The following FGF18 variants were observed in gnomAD, a reference collection of about 807,000 sequenced individuals.
FGF18 encodes fibroblast growth factor 18.
In FGF18, 5 loss-of-function variants were observed where a neutral mutation model predicts 23.0. The observed-to-expected ratio is 0.22, with a 90% CI of 0.11 to 0.46. The LOEUF (loss-of-function observed/expected upper bound fraction) is 0.46. Ranked by LOEUF, FGF18 falls within the 20% of genes least tolerant of loss-of-function variation. The pLI is 0.99. For synonymous variants in FGF18, 117 were observed against 118.9 expected (o/e 0.98, Z 0.10); for missense variants, 180 against 291.6 (o/e 0.62, Z 2.79).
intron 2 of FGF18, among the ~76,000 whole-genome samples, chr5:171,430,320 T>G (rs1270421469): frequency 2.1e-5 from 3 of 145,858 alleles, no homozygotes; most frequent in Non-Finnish European, 3.0e-5. Context: ...ATCACGCCAT[T>G]GCACTCCAGC....
At chr5:171,420,515 C>G in intron 2 of FGF18, 72 bp downstream of exon 2, 2 of 1,433,776 alleles carry the variant, frequency 1.4e-6, no homozygotes, top group Non-Finnish European at 2.0e-6. Flanking sequence ...CTTCCCCGGC[C>G]GCGCCCCCTC....
rs141708643 is a variant in FGF18, at chr5:171,451,819, T to C, written c.357+2566T>C. ...TCCATGCTGTGCCCTCTGCCGGGAC[T>C]GCCCTTCCCTCTGTCCACTTGCCCT... is the stretch of plus-strand genomic sequence containing the variant. On this transcript the variant is annotated intron_variant, in intron 4 of 4. Coordinates refer to ENST00000274625, the MANE Select transcript of FGF18 (RefSeq NM_003862.3). The surrounding 1 kb of genome is among the most constrained non-coding windows in gnomAD (Gnocchi z 4.5). 6.6e-6 allele frequency among the ~76,000 whole-genome samples: 1 copy of C among 152,326 alleles called. No homozygotes were observed. The highest frequency in any genetic ancestry group is 1.9e-4 in the East Asian group (1 of 5,178).
chr5:171,449,954 A>G (rs1772474110), intron 4 of FGF18, among the ~76,000 whole-genome samples: 1 of 152,050 alleles, frequency 6.6e-6, no homozygotes, highest in Non-Finnish European at 1.5e-5. Flanking sequence ...TGCAAAAGTC[A>G]TGAACTGGCT....
intron 3 of FGF18, among the ~76,000 whole-genome samples, chr5:171,448,816 A>G (rs1181210556): frequency 1.3e-5 from 2 of 152,018 alleles, no homozygotes; most frequent in African/African-American, 4.8e-5. Context: ...CGATGGGTAG[A>G]AGGGCACACT....
At chr5:171,439,964 G>C (rs936937377) in intron 3 of FGF18, among the ~76,000 whole-genome samples, 1 of 152,172 alleles carries the variant, frequency 6.6e-6, no homozygotes. Context: ...GAATAACCCT[G>C]GGCAGGCCAG....
chr5:171,423,403 T>C (rs938848625), intron 2 of FGF18, among the ~76,000 whole-genome samples: 3 of 152,218 alleles, frequency 2.0e-5, no homozygotes, highest in African/African-American at 4.8e-5. Flanking sequence ...GCTGGGCCTT[T>C]CACGCAGCTC....
intron 3 of FGF18, among the ~76,000 whole-genome samples, chr5:171,438,085 CTTCTTT>C (rs912565542): frequency 6.7e-6 from 1 of 150,034 alleles, no homozygotes; most frequent in Admixed American, 6.6e-5. Context: ...CGCAGTGCTT[CTTCTTT>C]TTCTTTTCTT....
rs990327162 is a variant in FGF18, at chr5:171,436,585, G to A, written c.250+312G>A. ...GCCTAAAGCAGGTGGCTGTTCCCAT[G>A]CCACCACTCACCAGCCCCAGGTTCA... On this transcript the variant is annotated intron_variant, in intron 3 of 4. Transcript: ENST00000274625. This position sits in a 1 kb window ranked among gnomAD's most constrained non-coding sequence, Gnocchi z 4.4. 6.6e-6 allele frequency among the ~76,000 whole-genome samples: 1 copy of A among 152,230 alleles called. No individual in the cohort carries two copies. The highest frequency in any genetic ancestry group is 2.1e-4 in the South Asian group (1 of 4,832).
At chr5:171,430,773 C>A (rs568063136) in intron 2 of FGF18, among the ~76,000 whole-genome samples, 1 of 117,046 alleles carries the variant, frequency 8.5e-6, no homozygotes, top group Non-Finnish European at 1.6e-5. Flanking sequence ...CCGGCCTGGG[C>A]GACAGAGCAA....
chr5:171,441,931 T>C lies in FGF18; in HGVS notation c.250+5658T>C, dbSNP rs1316075796. ...TCCCTCCCTCCTTTCCCACCACCCTTCCTTTCTATCCGGCCAGGCTTGCAC... is the reference window on the plus strand; with the variant it reads ...TCCCTCCCTCCTTTCCCACCACCCTCCCTTTCTATCCGGCCAGGCTTGCAC... On this transcript the variant is annotated intron_variant, in intron 3 of 4. Coordinates refer to ENST00000274625, the MANE Select transcript of FGF18 (RefSeq NM_003862.3). 2.6e-5 allele frequency among the ~76,000 whole-genome samples: 4 copies of C among 151,958 alleles called. No individual in the cohort carries two copies. In the East Asian group the frequency reaches 7.7e-4, roughly 29 times the overall value.
At chr5:171,428,201 C>T (rs553766189) in intron 2 of FGF18, among the ~76,000 whole-genome samples, 12 of 152,220 alleles carry the variant, frequency 7.9e-5, no homozygotes, top group Non-Finnish European at 1.6e-4. Context: ...GCACCTGGCA[C>T]AGACCTGGCA....
rs1159188695 is a variant in FGF18, at chr5:171,451,025, A to T, written c.357+1772A>T. On this transcript the variant is annotated intron_variant, in intron 4 of 4. Transcript: ENST00000274625. This position sits in a 1 kb window ranked among gnomAD's most constrained non-coding sequence, Gnocchi z 4.5. ...CCCCAGGAGGGCTGCGCGGGGGTCA[A>T]AAGAGCAGCCCCGTCCCCTCGGGCC... 6.6e-6 allele frequency among the ~76,000 whole-genome samples: 1 copy of T among 151,900 alleles called. No individual in the cohort carries two copies. Among genetic ancestry groups the T allele is most frequent in the Admixed American group, 6.6e-5 (1 of 15,264 alleles).
chr5:171,425,473 G>A (rs1421712843), intron 2 of FGF18, among the ~76,000 whole-genome samples: 4 of 150,718 alleles, frequency 2.7e-5, no homozygotes, highest in East Asian at 3.9e-4. Context: ...CACCCGCCTC[G>A]GACTCCCAAA....
chr5:171,443,653 TATC>T (rs1043022154), intron 3 of FGF18, among the ~76,000 whole-genome samples: 1 of 152,028 alleles, frequency 6.6e-6, no homozygotes, highest in African/African-American at 2.4e-5. Flanking sequence ...CCTGGCCTGT[TATC>T]ATCATTCTTT....
chr5:171,424,384 C>T (rs1234448819), intron 2 of FGF18, among the ~76,000 whole-genome samples: 1 of 152,190 alleles, frequency 6.6e-6, no homozygotes, highest in African/African-American at 2.4e-5. Context: ...CTAAAGTGTC[C>T]CTTACATTGG....
rs542848816 is a variant in FGF18, at chr5:171,447,912, C to T, written c.251-1235C>T. Among the ~76,000 whole-genome samples, 44 of 152,000 alleles carry T rather than the reference C, an allele frequency of 2.9e-4. No individual in the cohort carries two copies. The South Asian group carries it at 8.5e-3, about 29-fold the overall frequency. On this transcript the variant is annotated intron_variant, in intron 3 of 4. Coordinates refer to ENST00000274625, the MANE Select transcript of FGF18 (RefSeq NM_003862.3). The stretch of plus-strand genomic sequence containing the variant: ...GCAAGGGGTCAGGGAAAAGAGTGCA[C>T]GAATTGGGAGTGGGGCGGTCACAGG...
intron 3 of FGF18, among the ~76,000 whole-genome samples, chr5:171,442,446 A>G (rs563335700): frequency 9.9e-5 from 15 of 152,238 alleles, no homozygotes; most frequent in Non-Finnish European, 1.9e-4. Flanking sequence ...CACTGGGGGA[A>G]GACGCCTGGA....
At position 171,438,618 on chromosome 5, in the gene FGF18, G is replaced by A. The variant is rs116358693; in HGVS notation, c.250+2345G>A. Among the ~76,000 whole-genome samples the A allele has an allele frequency of 3.6e-3, 547 of 152,130 alleles. 3 individuals carry two copies. The highest frequency in any genetic ancestry group is 0.011 in the African/African-American group (465 of 41,498). On this transcript the variant is annotated intron_variant, in intron 3 of 4. Transcript: ENST00000274625. Reference sequence around the variant, plus strand: ...TAAGATTTTATGATCCTCTCTCAAGGAATATGTTTCTGTACTCCTCCGACC... The same window carrying A: ...TAAGATTTTATGATCCTCTCTCAAGAAATATGTTTCTGTACTCCTCCGACC...
At position 171,420,419 on chromosome 5, in the gene FGF18, C is replaced by T; in HGVS notation, c.45C>T (p.Phe15=). 1.2e-6 allele frequency: 2 copies of T among 1,613,920 alleles called. No homozygotes were observed. The highest frequency in any genetic ancestry group is 1.1e-5 in the South Asian group (1 of 91,022). Residue 15 remains phenylalanine (F), a synonymous_variant, in exon 2 of 5, where the codon TTC becomes TTT. Coordinates refer to ENST00000274625, the MANE Select transcript of FGF18 (RefSeq NM_003862.3). ...CTGTTTCCCGCAGGTGTTTACACTT[C>T]CTGCTGCTGTGCTTCCAGGTACAGG... ...PSACTCLCLH[F]LLLCFQVQVL...
Sources: allele counts gnomAD v4.1 joint callset (sites outside exome capture counted in the v4.1 genomes callset), GRCh38; gene constraint gnomAD v4.1.1; non-coding constraint Gnocchi (gnomAD v3.1); transcripts MANE v1.5; gene names NCBI Gene and HGNC (gene_info 2026-07-23, HGNC 2026-07-21).